ELAVL4: variants seen among roughly 807,000 people sequenced by gnomAD.
ELAVL4 encodes the protein ELAV like RNA binding protein 4.
Under a neutral mutation model 35.6 loss-of-function variants are expected in ELAVL4, and 1 was observed. The observed-to-expected ratio is 0.03, with a 90% CI of 0.01 to 0.13. ELAVL4 has a LOEUF of 0.13. ELAVL4 is among the 10% of genes least tolerant of loss of function. ELAVL4 has a pLI of 1.00. For synonymous variants in ELAVL4, 156 were observed against 171.0 expected, an observed-to-expected ratio of 0.91 and a Z score of 0.69; for missense variants, 267 against 464.9, an observed-to-expected ratio of 0.57 and a Z score of 3.91.
chr1:50,072,071 T>C (rs987483445), intron 1 of ELAVL4, among the ~76,000 whole-genome samples: 3 of 152,224 alleles, frequency 2.0e-5, no homozygotes, highest in Non-Finnish European at 4.4e-5. Context: ...ATTATTTTCT[T>C]TGAATTTAAG....
At chr1:50,128,571 A>G (rs1670336652) in intron 1 of ELAVL4, among the ~76,000 whole-genome samples, 1 of 152,116 alleles carries the variant, frequency 6.6e-6, no homozygotes, top group Non-Finnish European at 1.5e-5. Context: ...AGGAGGCTGG[A>G]GAGTTTCAAT....
upstream of ELAVL4, among the ~76,000 whole-genome samples, chr1:50,107,965 A>G (rs187991013): frequency 2.8e-4 from 43 of 152,338 alleles, no homozygotes; most frequent in Middle Eastern, 3.4e-3. Context: ...ATCCCTTTGA[A>G]GGAGAGAAGC....
intron 1 of ELAVL4, among the ~76,000 whole-genome samples, chr1:50,117,395 C>T (rs1433728321): frequency 1.3e-5 from 2 of 152,088 alleles, no homozygotes; most frequent in Non-Finnish European, 2.9e-5. Context: ...CTCTGGCCTC[C>T]GAGGAACATC....
intron 1 of ELAVL4, among the ~76,000 whole-genome samples, chr1:50,131,003 G>A (rs542654677): frequency 1.1e-4 from 17 of 152,060 alleles, no homozygotes; most frequent in Non-Finnish European, 1.9e-4. Context: ...TAAATTTCTG[G>A]GATAAAAAGA....
At chr1:50,136,807 G>A (rs1671959723) in intron 1 of ELAVL4, among the ~76,000 whole-genome samples, 1 of 152,160 alleles carries the variant, frequency 6.6e-6, no homozygotes, top group African/African-American at 2.4e-5. Context: ...GAATTGTGCA[G>A]TGAGGCTATA....
chr1:50,090,130 G>A (rs1024984392), intron 1 of ELAVL4, among the ~76,000 whole-genome samples: 1 of 152,154 alleles, frequency 6.6e-6, no homozygotes, highest in Non-Finnish European at 1.5e-5. Context: ...GAATGACAGA[G>A]GCTAAACAGG....
intron 1 of ELAVL4, among the ~76,000 whole-genome samples, chr1:50,070,946 T>G (rs563156153): frequency 2.0e-5 from 3 of 152,210 alleles, no homozygotes; most frequent in Non-Finnish European, 4.4e-5. Flanking sequence ...TCTCAGACAC[T>G]CAGATCTTGT....
At position 50,114,383 on chromosome 1, in the gene ELAVL4, A is replaced by G. The variant is rs963052690; in HGVS notation, c.9+5185A>G. Among the ~76,000 whole-genome samples, 25 of 152,116 alleles carry G rather than the reference A, an allele frequency of 1.6e-4. No homozygotes were observed. In the South Asian group the frequency reaches 3.5e-3, roughly 21 times the overall value. On this transcript the variant is annotated intron_variant, in intron 1 of 6. Transcript: ENST00000371824. ...GGTGTGCAAGTGTGTGTGTATTAGG[A>G]ACATCCTTATATTTGTGAAATCTCC...
At chr1:50,125,962 C>T (rs536055178) in intron 1 of ELAVL4, among the ~76,000 whole-genome samples, 5 of 152,056 alleles carry the variant, frequency 3.3e-5, no homozygotes, top group African/African-American at 2.4e-5. Context: ...GCTAATAATA[C>T]CTTCCTCCAA....
intron 2 of ELAVL4, among the ~76,000 whole-genome samples, chr1:50,150,609 G>T (rs1674614410): frequency 1.3e-5 from 2 of 152,188 alleles, no homozygotes; most frequent in South Asian, 4.1e-4. Context: ...AGTCTATTGG[G>T]TTGAAGAGGA....
intron 1 of ELAVL4, among the ~76,000 whole-genome samples, chr1:50,079,088 T>C (rs563453364): frequency 6.6e-6 from 1 of 152,244 alleles, no homozygotes; most frequent in African/African-American, 2.4e-5. Flanking sequence ...ACTTTTAATT[T>C]GTAATTATTT....
chr1:50,187,789 G>A (rs1414577682), intron 3 of ELAVL4, among the ~76,000 whole-genome samples: 2 of 152,080 alleles, frequency 1.3e-5, no homozygotes, highest in African/African-American at 2.4e-5. Context: ...CTCAGTAGAA[G>A]GAAAAACTTT....
intron 2 of ELAVL4, among the ~76,000 whole-genome samples, chr1:50,164,098 A>G (rs1677308155): frequency 6.6e-6 from 1 of 152,230 alleles, no homozygotes; most frequent in Non-Finnish European, 1.5e-5. Flanking sequence ...TATGTAAGTA[A>G]TGATATAAGT....
chr1:50,165,810 GTGTATA>G (rs1677789736), intron 2 of ELAVL4, among the ~76,000 whole-genome samples: 1 of 150,290 alleles, frequency 6.7e-6, no homozygotes, highest in Admixed American at 6.7e-5. Context: ...ATATGTGTGT[GTGTATA>G]TATATATGTG....
intron 2 of ELAVL4, among the ~76,000 whole-genome samples, chr1:50,165,927 A>C (rs991017906): frequency 6.6e-6 from 1 of 151,994 alleles, no homozygotes; most frequent in African/African-American, 2.4e-5. Context: ...AAGGAGAGCC[A>C]GTTCGAGTTC....
intron 1 of ELAVL4, among the ~76,000 whole-genome samples, chr1:50,090,844 G>A (rs1361502102): frequency 2.0e-5 from 3 of 152,176 alleles, no homozygotes; most frequent in Admixed American, 2.0e-4. Flanking sequence ...TAGCTGTATG[G>A]CTAGGCAGAA....
intron 1 of ELAVL4, among the ~76,000 whole-genome samples, chr1:50,051,912 T>G (rs1663407368): frequency 6.6e-6 from 1 of 152,158 alleles, no homozygotes; most frequent in South Asian, 2.1e-4. Flanking sequence ...TATTCTGAGA[T>G]CTGTCTCCTT....
intron 1 of ELAVL4, among the ~76,000 whole-genome samples, chr1:50,073,425 T>G (rs987447477): frequency 5.9e-5 from 9 of 152,070 alleles, no homozygotes; most frequent in Non-Finnish European, 1.2e-4. Context: ...GCAAAAATGC[T>G]TCATTGATTT....
chr1:50,146,794 C>G (rs1673805435), intron 2 of ELAVL4, among the ~76,000 whole-genome samples: 1 of 152,104 alleles, frequency 6.6e-6, no homozygotes, highest in Non-Finnish European at 1.5e-5. Context: ...TTAGTATAGC[C>G]TTACCTTCAA....
Sources: allele counts gnomAD v4.1 joint callset (sites outside exome capture counted in the v4.1 genomes callset), GRCh38; gene constraint gnomAD v4.1.1; transcripts MANE v1.5; gene names NCBI Gene and HGNC (gene_info 2026-07-23, HGNC 2026-07-21).